The following KCNH8 variants were observed in gnomAD, a reference collection of about 807,000 sequenced individuals.
KCNH8 encodes the protein voltage-gated delayed rectifier potassium channel KCNH8.
KCNH8 carries 70 observed loss-of-function variants against 103.6 expected under a neutral mutation model. That is an observed-to-expected ratio of 0.68 (90% CI 0.56 to 0.82). KCNH8 has a LOEUF of 0.82. Ranked by LOEUF, KCNH8 falls within the 40% of genes least tolerant of loss-of-function variation. The probability of loss-of-function intolerance (pLI) is 0.00; values close to 1 mark genes in which losing one functional copy is unlikely to be tolerated. For synonymous variants in KCNH8, 498 were observed against 489.4 expected (o/e 1.02, Z -0.23); for missense variants, 1,217 against 1,329.9 (o/e 0.92, Z 1.32).
intron 11 of KCNH8, among the ~76,000 whole-genome samples, chr3:19,460,935 C>T (rs2067615714): frequency 6.6e-6 from 1 of 152,180 alleles, no homozygotes; most frequent in Non-Finnish European, 1.5e-5. Context: ...TTTGCTTCCC[C>T]TTCTGCCATG....
At chr3:19,338,125 T>C (rs903321492) in intron 3 of KCNH8, among the ~76,000 whole-genome samples, 10 of 152,080 alleles carry the variant, frequency 6.6e-5, no homozygotes, top group Non-Finnish European at 2.9e-5. Flanking sequence ...ACTGCACTTA[T>C]AGTCAAGAGC....
intron 11 of KCNH8, among the ~76,000 whole-genome samples, chr3:19,464,888 A>G (rs1398522960): frequency 6.6e-6 from 1 of 152,176 alleles, no homozygotes; most frequent in African/African-American, 2.4e-5. Context: ...GCTCATAGTA[A>G]AATAATTTAA....
intron 5 of KCNH8, among the ~76,000 whole-genome samples, chr3:19,356,221 A>G (rs927110950): frequency 2.6e-5 from 4 of 151,974 alleles, no homozygotes; most frequent in African/African-American, 9.7e-5. Flanking sequence ...GAGAGTCACA[A>G]TACACTTTGG....
chr3:19,477,151 G>A (rs1575113770), intron 11 of KCNH8, among the ~76,000 whole-genome samples: 1 of 152,094 alleles, frequency 6.6e-6, no homozygotes, highest in East Asian at 1.9e-4. Flanking sequence ...TGTTATTTAA[G>A]TATATGGCCT....
chr3:19,466,059 C>T (rs902791155), intron 11 of KCNH8, among the ~76,000 whole-genome samples: 12 of 152,010 alleles, frequency 7.9e-5, no homozygotes, highest in African/African-American at 2.9e-4. Context: ...CTCAGCCTCC[C>T]ATGCACGGGC....
At chr3:19,482,983 T>C (rs1420687208) in intron 11 of KCNH8, among the ~76,000 whole-genome samples, 1 of 152,178 alleles carries the variant, frequency 6.6e-6, no homozygotes, top group East Asian at 1.9e-4. Flanking sequence ...CCACGAGCTG[T>C]CTTGTGTCTA....
At chr3:19,171,095 C>T (rs2063344623) in intron 1 of KCNH8, among the ~76,000 whole-genome samples, 2 of 152,174 alleles carry the variant, frequency 1.3e-5, no homozygotes, top group South Asian at 2.1e-4. Context: ...CCACCACGCC[C>T]GGCCCCTTGG....
intron 15 of KCNH8, among the ~76,000 whole-genome samples, chr3:19,532,523 T>C (rs1201084074): frequency 6.6e-6 from 1 of 152,190 alleles, no homozygotes; most frequent in Non-Finnish European, 1.5e-5. Context: ...AAGCATAGGC[T>C]TCAACCAGAA....
At chr3:19,457,023 T>C in intron 11 of KCNH8, 41 bp downstream of exon 11, 1 of 1,379,026 alleles carries the variant, frequency 7.3e-7, no homozygotes, top group Non-Finnish European at 1.0e-6. Context: ...CTAATAACAT[T>C]GGGCCTGGAG....
At chr3:19,213,743 A>G (rs2063791877) in intron 1 of KCNH8, among the ~76,000 whole-genome samples, 1 of 152,196 alleles carries the variant, frequency 6.6e-6, no homozygotes, top group African/African-American at 2.4e-5. Flanking sequence ...TAAAGAGAGC[A>G]TAATGTTAAT....
At chr3:19,507,187 G>A (rs551878848) in intron 11 of KCNH8, among the ~76,000 whole-genome samples, 1 of 152,324 alleles carries the variant, frequency 6.6e-6, no homozygotes, top group African/African-American at 2.4e-5. Context: ...TCTCTGTATG[G>A]TGGCTGTGGT....
intron 1 of KCNH8, among the ~76,000 whole-genome samples, chr3:19,170,645 TACACACAC>T (rs1187141475): frequency 2.2e-5 from 3 of 138,794 alleles, no homozygotes; most frequent in African/African-American, 8.9e-5. Context: ...CACATATATA[TACACACAC>T]ATATATACAC....
intron 5 of KCNH8, among the ~76,000 whole-genome samples, chr3:19,377,523 C>A (rs1313212721): frequency 6.6e-6 from 1 of 152,086 alleles, no homozygotes; most frequent in East Asian, 1.9e-4. Context: ...TTCAAAGTTC[C>A]ACAGCTGTCC....
intron 1 of KCNH8, among the ~76,000 whole-genome samples, chr3:19,194,747 A>G (rs2063585058): frequency 6.6e-6 from 1 of 151,910 alleles, no homozygotes; most frequent in Non-Finnish European, 1.5e-5. Context: ...TATTCATGTA[A>G]CAAACCTACA....
intron 1 of KCNH8, among the ~76,000 whole-genome samples, chr3:19,232,570 T>C (rs763742596): frequency 4.6e-5 from 7 of 152,202 alleles, no homozygotes; most frequent in Non-Finnish European, 8.8e-5. Flanking sequence ...AAGGTACTCC[T>C]GGTGGACAAA....
At chr3:19,207,118 A>C (rs1416296609) in intron 1 of KCNH8, among the ~76,000 whole-genome samples, 1 of 152,024 alleles carries the variant, frequency 6.6e-6, no homozygotes, top group Non-Finnish European at 1.5e-5. Flanking sequence ...GTAGAAAAGC[A>C]AAACAAGTGG....
At chr3:19,228,653 A>G (rs111676622) in intron 1 of KCNH8, among the ~76,000 whole-genome samples, 6 of 152,150 alleles carry the variant, frequency 3.9e-5, no homozygotes, top group Non-Finnish European at 8.8e-5. Flanking sequence ...TATGTTGACA[A>G]ATAAAATGAT....
intron 7 of KCNH8, among the ~76,000 whole-genome samples, chr3:19,429,292 G>A (rs926722690): frequency 2.0e-5 from 3 of 150,240 alleles, no homozygotes; most frequent in African/African-American, 7.3e-5. Context: ...TCCTGCCTCA[G>A]CCTCCGGAGT....
At chr3:19,273,484 C>T (rs147662210) in intron 2 of KCNH8, among the ~76,000 whole-genome samples, 1 of 152,132 alleles carries the variant, frequency 6.6e-6, no homozygotes. Context: ...ATAAGTCAGA[C>T]ATTAATTGGG....
Sources: allele counts gnomAD v4.1 joint callset (sites outside exome capture counted in the v4.1 genomes callset), GRCh38; gene constraint gnomAD v4.1.1; transcripts MANE v1.5; gene names NCBI Gene and HGNC (gene_info 2026-07-23, HGNC 2026-07-21).